PDE6C: variants seen among roughly 807,000 people sequenced by gnomAD.
PDE6C encodes the protein cone cGMP-specific 3',5'-cyclic phosphodiesterase subunit alpha'.
PDE6C carries 75 observed loss-of-function variants against 113.1 expected under a neutral mutation model. That is an observed-to-expected ratio of 0.66 (90% CI 0.55 to 0.80). The LOEUF is 0.80. Among genes scored for constraint, PDE6C ranks in the 30% least tolerant of loss-of-function variants. PDE6C has a pLI of 0.00. For missense variants in PDE6C, 912 were observed against 1,038.6 expected (o/e 0.88, Z 1.67); for synonymous variants, 375 against 363.7 (o/e 1.03, Z -0.35).
At chr10:93,662,873 CGT>C (rs896136863) in intron 20 of PDE6C, among the ~76,000 whole-genome samples, 153 bp from the exon 21 acceptor site, 1 of 152,142 alleles carries the variant, frequency 6.6e-6, no homozygotes, top group Non-Finnish European at 1.5e-5. Flanking sequence ...AAAGACAGCA[CGT>C]GTCTCTTTCC....
In PDE6C at chr10:93,640,102, A is replaced by C; in HGVS notation, c.1515A>C (p.Glu505Asp). Residue 505 changes from glutamate (E) to aspartate (D), a missense_variant, in exon 12 of 22, where the codon GAA becomes GAC. Transcript: ENST00000371447. ...KEDLPDPRSA[E>D]LYEFRFSDFP... ...ACTTGCCAGACCCACGCTCAGCAGA[A>C]CTGTACGAATTCCGCTTCAGTGACT... 6.2e-7 allele frequency: 1 copy of C among 1,614,136 alleles called. No homozygotes were observed. The highest frequency in any genetic ancestry group is 1.7e-5 in the Admixed American group (1 of 60,018).
chr10:93,643,817 T>C (rs910643921), intron 14 of PDE6C, among the ~76,000 whole-genome samples: 1 of 151,764 alleles, frequency 6.6e-6, no homozygotes, highest in East Asian at 1.9e-4. Context: ...ATAAACACAA[T>C]ACAATGATCA....
chr10:93,659,289 A>T, intron 18 of PDE6C, 122 bp downstream of exon 18: 1 of 706,364 alleles, frequency 1.4e-6, no homozygotes, highest in Non-Finnish European at 2.5e-6. Flanking sequence ...TATTAGTGAG[A>T]CAGTAGGCAA....
At chr10:93,627,708 G>A (rs2058480897) in intron 7 of PDE6C, among the ~76,000 whole-genome samples, 1 of 152,088 alleles carries the variant, frequency 6.6e-6, no homozygotes, top group Non-Finnish European at 1.5e-5. Flanking sequence ...AAAAAGAATA[G>A]GCTGCTTTTT....
intron 1 of PDE6C, among the ~76,000 whole-genome samples, chr10:93,618,548 G>A (rs2058430960): frequency 6.6e-6 from 1 of 152,214 alleles, no homozygotes; most frequent in African/African-American, 2.4e-5. Context: ...GAAAGGTATA[G>A]AAGAGATCTG....
In PDE6C at chr10:93,634,793, G is replaced by A. The variant is rs761298393; in HGVS notation, c.1155G>A (p.Lys385=). 4 of 1,614,126 alleles carry A rather than the reference G, an allele frequency of 2.5e-6. No individual in the cohort carries two copies. The highest frequency in any genetic ancestry group is 1.1e-5 in the South Asian group (1 of 91,080). Residue 385 remains lysine (K), a synonymous_variant, in exon 9 of 22, where the codon AAG becomes AAA. Transcript: ENST00000371447. The part of the protein sequence containing the change: ...GPVDETGWVI[K]NVLSLPIVNK... Reference sequence around the variant, plus strand: ...TAGACGAAACTGGTTGGGTCATTAAGAATGTTTTGTCCCTGCCTATTGTCA... The same window carrying A: ...TAGACGAAACTGGTTGGGTCATTAAAAATGTTTTGTCCCTGCCTATTGTCA...
At chr10:93,642,737 A>G (rs955276959) in intron 14 of PDE6C, among the ~76,000 whole-genome samples, 6 of 152,228 alleles carry the variant, frequency 3.9e-5, no homozygotes, top group Admixed American at 3.9e-4. Context: ...GTGAAATTAC[A>G]TATGTGAAAC....
At chr10:93,645,259 C>A (rs972109758) in intron 14 of PDE6C, among the ~76,000 whole-genome samples, 1 of 152,172 alleles carries the variant, frequency 6.6e-6, no homozygotes, top group African/African-American at 2.4e-5. Context: ...TATTTGCTTT[C>A]CCTGACCTGC....
At chr10:93,622,650 G>GTTTTTTTTTT (rs71031523) in intron 4 of PDE6C, among the ~76,000 whole-genome samples, 1 of 107,474 alleles carries the variant, frequency 9.3e-6, no homozygotes, top group African/African-American at 4.7e-5. Context: ...TTTTTTTTTT[G>GTTTTTTTTTT]TTTTTTTTTT....
chr10:93,646,359 G>A (rs563092304), intron 15 of PDE6C, among the ~76,000 whole-genome samples: 2 of 152,246 alleles, frequency 1.3e-5, no homozygotes, highest in East Asian at 3.9e-4. Context: ...AAAGAGGAAA[G>A]GAGGCTACAT....
intron 8 of PDE6C, among the ~76,000 whole-genome samples, chr10:93,630,790 C>T (rs1039562790): frequency 1.3e-5 from 2 of 152,288 alleles, no homozygotes; most frequent in East Asian, 1.9e-4. Context: ...ACACTTGCTT[C>T]GTTACGTGCA....
At chr10:93,655,610 CAAAAAAA>C in intron 15 of PDE6C, 143 bp from the exon 16 acceptor site, 16 of 331,786 alleles carry the variant, frequency 4.8e-5, no homozygotes, top group East Asian at 5.4e-5. Flanking sequence ...AAAAGCAAGC[CAAAAAAA>C]AAAAAAAAAA....
intron 12 of PDE6C, 98 bp downstream of exon 12, chr10:93,640,314 A>G (rs931513747): frequency 3.7e-6 from 5 of 1,344,726 alleles, no homozygotes; most frequent in East Asian, 2.3e-5. Flanking sequence ...TGAATTTTAA[A>G]TTATTATTAA....
At chr10:93,662,897 G>A (rs1564806857) in intron 20 of PDE6C, 131 bp from the exon 21 acceptor site, 5 of 808,590 alleles carry the variant, frequency 6.2e-6, no homozygotes, top group Non-Finnish European at 8.2e-6. Flanking sequence ...AAACTTCATA[G>A]GCCCGTGGTT....
chr10:93,647,495 A>C (rs1028707183), intron 15 of PDE6C, among the ~76,000 whole-genome samples: 11 of 152,248 alleles, frequency 7.2e-5, no homozygotes, highest in Admixed American at 5.9e-4. Context: ...TTGTTTTAAC[A>C]GTCTGTGATT....
intron 14 of PDE6C, among the ~76,000 whole-genome samples, chr10:93,643,800 C>G (rs769191193): frequency 9.2e-5 from 14 of 151,466 alleles, no homozygotes; most frequent in Non-Finnish European, 1.8e-4. Context: ...GGAGGACATT[C>G]ACCTACATAA....
chr10:93,622,117 A>G (rs1239380139), intron 4 of PDE6C, 45 bp downstream of exon 4: 27 of 1,556,912 alleles, frequency 1.7e-5, no homozygotes, highest in Non-Finnish European at 1.6e-5. Context: ...CATCGCCTAT[A>G]TAACACACAC....
chr10:93,634,914 G>T lies in PDE6C; in HGVS notation c.1269+7G>T. The T allele has an allele frequency of 1.2e-6, 2 of 1,613,752 alleles. No homozygotes were observed. The highest frequency in any genetic ancestry group is 1.7e-6 in the Non-Finnish European group (2 of 1,179,780). On this transcript the variant is annotated splice_region_variant and intron_variant, in intron 9 of 21. Transcript: ENST00000371447. ...TGATGAATACATTACCGAGGCAAGT[G>T]CAATAATAAGATAATGGAAGTCAAT...
At chr10:93,633,498 GC>G (rs1242099696) in intron 8 of PDE6C, among the ~76,000 whole-genome samples, 1 of 134,322 alleles carries the variant, frequency 7.4e-6, no homozygotes, top group Non-Finnish European at 1.6e-5. Context: ...AAATAAACAA[GC>G]TAAAACAAAT....
Sources: allele counts gnomAD v4.1 joint callset (sites outside exome capture counted in the v4.1 genomes callset), GRCh38; gene constraint gnomAD v4.1.1; transcripts MANE v1.5; gene names NCBI Gene and HGNC (gene_info 2026-07-23, HGNC 2026-07-21).